The following CP variants were observed in gnomAD, a reference collection of about 807,000 sequenced individuals.
The protein encoded by CP is ceruloplasmin, also known as caeruloplasmin.
Under a neutral mutation model 122.4 loss-of-function variants are expected in CP, and 64 were observed. The observed-to-expected ratio is 0.52, with a 90% CI of 0.43 to 0.64. The LOEUF (loss-of-function observed/expected upper bound fraction) is 0.64. Among genes scored for constraint, CP ranks in the 30% least tolerant of loss-of-function variants. The pLI is 0.00. For synonymous variants in CP, 440 were observed against 436.4 expected, an observed-to-expected ratio of 1.01 and a Z score of -0.10; for missense variants, 1,167 against 1,284.4, an observed-to-expected ratio of 0.91 and a Z score of 1.40.
intron 9 of CP, among the ~76,000 whole-genome samples, chr3:149,195,659 T>C (rs1311096055): frequency 6.6e-6 from 1 of 152,098 alleles, no homozygotes; most frequent in African/African-American, 2.4e-5. Flanking sequence ...GGTTAGGAGA[T>C]CAAGACCATC....
At chr3:149,192,364 G>A (rs540108840) in intron 9 of CP, among the ~76,000 whole-genome samples, 1 of 152,024 alleles carries the variant, frequency 6.6e-6, no homozygotes, top group Non-Finnish European at 1.5e-5. Flanking sequence ...AAAACTTAGA[G>A]CCTTAGAGCC....
Position 149,212,526 on chromosome 3 carries a change from C to T in CP, c.319G>A (p.Val107Ile), listed in dbSNP as rs761228523. Residue 107 changes from valine to isoleucine, a missense_variant, in exon 2 of 19, where the codon GTA becomes ATA. Around this residue, in one of 2 missense-constraint regions of CP, gnomAD observed 642 missense variants for 627.3 expected, o/e 1.02. Coordinates refer to ENST00000264613, the MANE Select transcript of CP (RefSeq NM_000096.4). Reference protein sequence around the residue: ...IKAETGDKVYVHLKNLASRPY... With the variant: ...IKAETGDKVYIHLKNLASRPY... The stretch of plus-strand genomic sequence containing the variant: ...CTAGAGGCAAGGTTTTTTAAGTGTA[C>T]ATAAACTTTATCTCCAGTTTCAGCT... 9.9e-6 allele frequency: 16 copies of T among 1,613,888 alleles called. No homozygotes were observed. Among genetic ancestry groups the T allele is most frequent in the Non-Finnish European group, 1.4e-5 (16 of 1,179,912 alleles).
chr3:149,218,412 C>T (rs547045198), intron 1 of CP, among the ~76,000 whole-genome samples: 20 of 152,144 alleles, frequency 1.3e-4, no homozygotes, highest in Admixed American at 9.2e-4. Context: ...AATAGCAGTA[C>T]TGAGTATAAG....
intron 4 of CP, 61 bp downstream of exon 4, chr3:149,209,150 T>C: frequency 1.9e-6 from 3 of 1,599,792 alleles, no homozygotes; most frequent in Non-Finnish European, 2.6e-6. Context: ...GGAATAAGCT[T>C]AGCAGAATTA....
In CP at chr3:149,185,097, G is replaced by A. The variant is rs34011114; in HGVS notation, c.2285+142C>T. On this transcript the variant is annotated intron_variant, in intron 12 of 18. Coordinates refer to ENST00000264613, the MANE Select transcript of CP (RefSeq NM_000096.4). The stretch of plus-strand genomic sequence containing the variant: ...ATGAATAAGGACAAGTTCCTAGGAA[G>A]TGTTTTGTTGTTGTTGTTGTTGTTG... 19,850 of 737,078 alleles carry A rather than the reference G, an allele frequency of 0.027. 345 individuals are homozygous for A. The highest frequency in any genetic ancestry group is 0.041 in the Middle Eastern group (105 of 2,534). The allele number at this position is 737,078 out of a possible 1,614,324, so 45.7% of individuals were successfully genotyped here.
At chr3:149,193,119 A>G (rs914073645) in intron 9 of CP, among the ~76,000 whole-genome samples, 2 of 152,132 alleles carry the variant, frequency 1.3e-5, no homozygotes, top group African/African-American at 4.8e-5. Context: ...TCTAGTCGCT[A>G]GTTACAACCG....
intron 5 of CP, among the ~76,000 whole-genome samples, chr3:149,165,484 A>AT (rs34255649): frequency 0.45 from 66,746 of 149,306 alleles, 14,812 homozygotes; most frequent in South Asian, 0.51. Context: ...AACTTTTATA[A>AT]TTTTTTTTTT....
At chr3:149,174,958 G>A (rs1298121096) in intron 18 of CP, among the ~76,000 whole-genome samples, 1 of 151,522 alleles carries the variant, frequency 6.6e-6, no homozygotes, top group Admixed American at 6.6e-5. Flanking sequence ...AAACTATCTC[G>A]CCTTTCTTAA....
At chr3:149,168,120 G>A, downstream of CP, 1 of 656,266 alleles carries the variant, frequency 1.5e-6, no homozygotes, top group Non-Finnish European at 2.8e-6. Context: ...CTTATTTTCA[G>A]CATTCACGTA....
At chr3:149,188,237 T>C (rs371653991) in intron 9 of CP, 35 bp from the exon 10 acceptor site, 48 of 1,581,574 alleles carry the variant, frequency 3.0e-5, no homozygotes, top group Admixed American at 1.2e-4. Flanking sequence ...GGAGACAGAA[T>C]GAATAAAGCA....
intron 6 of CP, among the ~76,000 whole-genome samples, chr3:149,203,698 A>G (rs1727507153): frequency 6.6e-6 from 1 of 152,208 alleles, no homozygotes; most frequent in African/African-American, 2.4e-5. Flanking sequence ...CTCATTCATC[A>G]TTTCTTTCAC....
At position 149,183,469 on chromosome 3, in the gene CP, G is replaced by A. The variant is rs1274112916; in HGVS notation, c.2422C>T (p.Leu808=). 1 of 1,611,134 alleles carries A rather than the reference G, an allele frequency of 6.2e-7. No homozygotes were observed. The highest frequency in any genetic ancestry group is 1.7e-5 in the Admixed American group (1 of 60,006). The change falls in exon 13 of 19, where the codon CTA becomes TTA. Residue 808 remains leucine (L), a synonymous_variant. Transcript: ENST00000264613. ...RKAEEEHLGI[L]GPQLHADVGD... ...TAAACTGGAGATATTAACATACCTA[G>A]AATTCCCAGATGTTCTTCTTCAGCT...
chr3:149,202,312 T>G, intron 6 of CP, 71 bp from the exon 7 acceptor site: 1 of 1,601,278 alleles, frequency 6.2e-7, no homozygotes, highest in Non-Finnish European at 8.5e-7. Context: ...CTTAAGGTGC[T>G]AATTGAAGAG....
chr3:149,176,265 C>T lies in CP; in HGVS notation c.3166G>A (p.Val1056Ile), dbSNP rs756397163. Residue 1056 changes from valine (V) to isoleucine (I), a missense_variant, in exon 18 of 19, where the codon GTT becomes ATT. Physicochemically the swap from Val to Ile is conservative, Grantham distance 29. This residue lies in a region of CP where 525 missense variants were observed against 657.2 expected (regional missense o/e 0.80). Transcript: ENST00000264613. ...IHAGMETTYT[V>I]LQNEDTKSG ...GGATATTCACCTTCATTTTGTAGAA[C>T]GGTGTAAGTGGTTTCCATTCCAGCA... The T allele has an allele frequency of 9.3e-6, 15 of 1,612,038 alleles. No homozygotes were observed. The highest frequency in any genetic ancestry group is 4.5e-5 in the East Asian group (2 of 44,880).
intron 5 of CP, 78 bp from the exon 6 acceptor site, chr3:149,206,417 G>A: frequency 6.6e-7 from 1 of 1,505,536 alleles, no homozygotes; most frequent in East Asian, 2.3e-5. Flanking sequence ...CACTGCTCGG[G>A]TGATGACAAG....
chr3:149,192,613 C>T (rs1726611671), intron 9 of CP, among the ~76,000 whole-genome samples: 1 of 150,420 alleles, frequency 6.6e-6, no homozygotes, highest in Non-Finnish European at 1.5e-5. Context: ...TGAAAAAACA[C>T]ACACAAAAAA....
downstream of CP, among the ~76,000 whole-genome samples, chr3:149,169,022 T>G (rs1724709792): frequency 6.6e-6 from 1 of 150,826 alleles, no homozygotes; most frequent in African/African-American, 2.5e-5. Flanking sequence ...GTCTTCAAAA[T>G]ATATTTGTGT....
rs146134147 is a variant in CP at position 149,185,029 on chromosome 3, G to T, written c.2285+210C>A. 1.4e-4 allele frequency: 79 copies of T among 580,722 alleles called. No individual in the cohort carries two copies. The East Asian group carries it at 2.3e-3, about 17-fold the overall frequency. The allele number at this position is 580,722 out of a possible 1,614,324, so 36.0% of individuals were successfully genotyped here. A position where few individuals can be genotyped will look rare whatever the true frequency, so the allele number is the denominator to read the frequency against. ...AGCAAGACTCCAAAGGATCAAAGAA[G>T]ATAAATGGAAATTTTCCCTTAAGGA... On this transcript the variant is annotated intron_variant, in intron 12 of 18. Coordinates refer to ENST00000264613, the MANE Select transcript of CP (RefSeq NM_000096.4).
downstream of CP, among the ~76,000 whole-genome samples, chr3:149,169,347 G>C (rs571843916): frequency 1.3e-5 from 2 of 152,164 alleles, no homozygotes; most frequent in South Asian, 4.1e-4. Flanking sequence ...CACTTACTAA[G>C]TGTCCGAGAG....
Sources: gnomAD v4.1 joint callset for allele counts (sites outside exome capture counted in the v4.1 genomes callset) on GRCh38, gnomAD v4.1.1 for gene constraint, gnomAD v4.1.1 regional missense constraint, MANE v1.5 for transcripts, NCBI Gene and HGNC (gene_info 2026-07-23, HGNC 2026-07-21) for gene names.